OSBPL1A: variants seen among roughly 807,000 people sequenced by gnomAD.
The protein encoded by OSBPL1A is oxysterol-binding protein-related protein 1.
Under a neutral mutation model 137.1 loss-of-function variants are expected in OSBPL1A, and 80 were observed. That is an observed-to-expected ratio of 0.58 (90% CI 0.49 to 0.70). The LOEUF (loss-of-function observed/expected upper bound fraction) is 0.70, where lower values mean the gene tolerates loss of function less well. OSBPL1A is among the 30% of genes least tolerant of loss of function. OSBPL1A has a pLI of 0.00. For synonymous variants in OSBPL1A, 365 were observed against 389.7 expected, an observed-to-expected ratio of 0.94 and a Z score of 0.75; for missense variants, 970 against 1,129.4, an observed-to-expected ratio of 0.86 and a Z score of 2.02.
intron 18 of OSBPL1A, among the ~76,000 whole-genome samples, chr18:24,190,566 G>A (rs173114): frequency 6.6e-6 from 1 of 152,174 alleles, no homozygotes; most frequent in Non-Finnish European, 1.5e-5. Flanking sequence ...CACGACATGA[G>A]AAATAGGGTC....
chr18:24,368,203 G>T, intron 3 of OSBPL1A, 84 bp downstream of exon 3: 1 of 994,272 alleles, frequency 1.0e-6, no homozygotes. Flanking sequence ...TATGGCTCAG[G>T]TGGCTTTTCT....
chr18:24,183,781 T>G (rs1049487728), intron 18 of OSBPL1A, among the ~76,000 whole-genome samples: 3 of 152,196 alleles, frequency 2.0e-5, no homozygotes, highest in Non-Finnish European at 4.4e-5. Flanking sequence ...GTGTATTGAC[T>G]CATTACACCT....
At chr18:24,247,649 T>C (rs573251872) in intron 15 of OSBPL1A, among the ~76,000 whole-genome samples, 7 of 149,884 alleles carry the variant, frequency 4.7e-5, no homozygotes. Flanking sequence ...TAATTTTTTT[T>C]AATAGGGACA....
chr18:24,352,719 T>C (rs1206877124), intron 4 of OSBPL1A, among the ~76,000 whole-genome samples: 1 of 152,130 alleles, frequency 6.6e-6, no homozygotes, highest in East Asian at 1.9e-4. Flanking sequence ...AAAACAGAGA[T>C]ATAGACCAAT....
At chr18:24,305,665 T>C (rs1293374449) in intron 13 of OSBPL1A, among the ~76,000 whole-genome samples, 2 of 152,240 alleles carry the variant, frequency 1.3e-5, no homozygotes, top group East Asian at 1.9e-4. Context: ...TGTCAGGAAC[T>C]GATATGATTT....
intron 15 of OSBPL1A, among the ~76,000 whole-genome samples, chr18:24,257,096 G>C (rs1254576782): frequency 6.6e-6 from 1 of 150,982 alleles, no homozygotes; most frequent in African/African-American, 2.4e-5. Flanking sequence ...CAAAATGCCA[G>C]TGACAATCTT....
chr18:24,306,856 C>A (rs2090510855), intron 13 of OSBPL1A, among the ~76,000 whole-genome samples: 1 of 152,024 alleles, frequency 6.6e-6, no homozygotes, highest in South Asian at 2.1e-4. Context: ...GATTGTCAAA[C>A]TCTGATCACT....
At position 24,323,539 on chromosome 18, in the gene OSBPL1A, CTTTTTT is replaced by C. The variant is rs763234169; in HGVS notation, c.626-4736_626-4731del. Among the ~76,000 whole-genome samples, 34 of 35,154 alleles carry C rather than the reference CTTTTTT, an allele frequency of 9.7e-4. 3 individuals are homozygous for C. The South Asian group carries it at 9.8e-3, about 10-fold the overall frequency. 23.1% of individuals were successfully genotyped at this position (35,154 alleles called of 152,430 possible). On this transcript the variant is annotated intron_variant, in intron 7 of 27. Transcript: ENST00000319481. The stretch of plus-strand genomic sequence containing the variant: ...ACACCCAGCCAGGGTGAGGCTTTTT[CTTTTTT>C]TTTTTTTTTTTTTTTTATTATACTC...
intron 7 of OSBPL1A, among the ~76,000 whole-genome samples, chr18:24,327,197 T>A (rs2090998447): frequency 6.7e-6 from 1 of 150,228 alleles, no homozygotes; most frequent in African/African-American, 2.5e-5. Context: ...AACCTCTACC[T>A]CCCAGGTTCA....
chr18:24,267,767 GA>G (rs1202509411), intron 15 of OSBPL1A, among the ~76,000 whole-genome samples: 1 of 151,128 alleles, frequency 6.6e-6, no homozygotes, highest in Non-Finnish European at 1.5e-5. Context: ...TATATGAAAG[GA>G]AACTCTTTAA....
At chr18:24,276,652 C>T (rs185413683) in intron 15 of OSBPL1A, among the ~76,000 whole-genome samples, 2 of 152,124 alleles carry the variant, frequency 1.3e-5, no homozygotes, top group Admixed American at 1.3e-4. Flanking sequence ...ACCATGTTAG[C>T]CAGGCTGGTC....
At chr18:24,237,057 C>A (rs2088503575) in intron 16 of OSBPL1A, among the ~76,000 whole-genome samples, 1 of 151,286 alleles carries the variant, frequency 6.6e-6, no homozygotes, top group African/African-American at 2.4e-5. Context: ...AAGTCCAGGG[C>A]AATTACACTG....
intron 17 of OSBPL1A, among the ~76,000 whole-genome samples, chr18:24,219,746 C>A (rs1419311558): frequency 6.6e-6 from 1 of 152,122 alleles, no homozygotes; most frequent in African/African-American, 2.4e-5. Context: ...TAAACTAGGG[C>A]AGGATGAGGT....
At chr18:24,396,387 A>G (rs995700511) in intron 1 of OSBPL1A, among the ~76,000 whole-genome samples, 1 of 152,184 alleles carries the variant, frequency 6.6e-6, no homozygotes, top group African/African-American at 2.4e-5. Context: ...TATCATTTTC[A>G]TAAACAACCT....
intron 15 of OSBPL1A, among the ~76,000 whole-genome samples, chr18:24,266,207 A>G (rs1465304645): frequency 6.6e-6 from 1 of 152,164 alleles, no homozygotes; most frequent in East Asian, 1.9e-4. Flanking sequence ...GAGTTCTATC[A>G]TTTATGCCTT....
intron 18 of OSBPL1A, among the ~76,000 whole-genome samples, chr18:24,185,571 G>A (rs1004042335): frequency 1.3e-5 from 2 of 151,876 alleles, no homozygotes; most frequent in Non-Finnish European, 2.9e-5. Context: ...CGCCCACCTC[G>A]GCCTCCCAAA....
chr18:24,165,644 G>A (rs185053749), intron 26 of OSBPL1A, among the ~76,000 whole-genome samples: 1 of 152,226 alleles, frequency 6.6e-6, no homozygotes, highest in African/African-American at 2.4e-5. Context: ...AGGCTGCCTA[G>A]TGTGGGAGAG....
chr18:24,216,989 G>A (rs1371727517), intron 17 of OSBPL1A, among the ~76,000 whole-genome samples: 1 of 152,118 alleles, frequency 6.6e-6, no homozygotes, highest in Non-Finnish European at 1.5e-5. Flanking sequence ...AAGCAAGGCA[G>A]CTATCAAAGA....
chr18:24,235,356 G>A (rs957762586), intron 16 of OSBPL1A, among the ~76,000 whole-genome samples: 1 of 152,182 alleles, frequency 6.6e-6, no homozygotes, highest in African/African-American at 2.4e-5. Flanking sequence ...ATGATCCTAT[G>A]ACCCATTTGC....
Sources: gnomAD v4.1 joint callset for allele counts (sites outside exome capture counted in the v4.1 genomes callset) on GRCh38, gnomAD v4.1.1 for gene constraint, MANE v1.5 for transcripts, NCBI Gene and HGNC (gene_info 2026-07-23, HGNC 2026-07-21) for gene names.